Variants in TLK2 observed in about 807,000 individuals in gnomAD.
The protein encoded by TLK2 is tousled like kinase 2.
In TLK2, 6 loss-of-function variants were observed where a neutral mutation model predicts 117.3. That is an observed-to-expected ratio of 0.05 (90% CI 0.03 to 0.10). The LOEUF is 0.10. TLK2 is among the 10% of genes least tolerant of loss of function. The pLI is 1.00. For synonymous variants in TLK2, 257 were observed against 316.7 expected (o/e 0.81, Z 2.00); for missense variants, 299 against 901.2 (o/e 0.33, Z 8.56).
At chr17:62,503,971 T>C (rs2074444541) in intron 2 of TLK2, among the ~76,000 whole-genome samples, 1 of 152,000 alleles carries the variant, frequency 6.6e-6, no homozygotes, top group Non-Finnish European at 1.5e-5. Flanking sequence ...CGACCTCAGG[T>C]GATCCACCCG....
intron 2 of TLK2, among the ~76,000 whole-genome samples, chr17:62,513,609 C>A (rs2075331936): frequency 6.6e-6 from 1 of 152,044 alleles, no homozygotes; most frequent in Non-Finnish European, 1.5e-5. Flanking sequence ...GTGTTGGGAT[C>A]ACAGGGGTGA....
chr17:62,512,400 T>C (rs1398282465), intron 2 of TLK2, among the ~76,000 whole-genome samples: 1 of 151,916 alleles, frequency 6.6e-6, no homozygotes, highest in Non-Finnish European at 1.5e-5. Flanking sequence ...TTTTGTATTT[T>C]TCAGTAGAGA....
chr17:62,560,070 T>A lies in TLK2; in HGVS notation c.775T>A (p.Tyr259Asn). 6.2e-7 allele frequency: 1 copy of A among 1,612,058 alleles called. No individual in the cohort carries two copies. Among genetic ancestry groups the A allele is most frequent in the Non-Finnish European group, 8.5e-7 (1 of 1,179,050 alleles). ...IDEQQKMLEK[Y>N]KERLNRCVTM... The stretch of plus-strand genomic sequence containing the variant: ...TGAACAGCAAAAGATGCTAGAGAAA[T>A]ACAAGGAACGATTAAATAGATGTGT... Residue 259 changes from tyrosine to asparagine, a missense_variant, in exon 10 of 22, where the codon TAC becomes AAC. This residue lies in a region of TLK2 where 94 missense variants were observed against 282.6 expected (regional missense o/e 0.33). Transcript: ENST00000346027.
chr17:62,578,687 G>T, intron 14 of TLK2, 113 bp downstream of exon 14: 3 of 785,320 alleles, frequency 3.8e-6, no homozygotes, highest in Non-Finnish European at 6.1e-6. Flanking sequence ...TGATTCCATG[G>T]TGTATTTAGC....
Position 62,598,274 on chromosome 17 carries a change from G to A in TLK2, c.1550+1600G>A, listed in dbSNP as rs2082625806. On this transcript the variant is annotated intron_variant, in intron 17 of 21. Transcript: ENST00000346027. ...CCCCTCTCTGAACTATTAAGTTCAAGAACTATTTCAAAGTTAAATATCAGG... is the reference window on the plus strand; with the variant it reads ...CCCCTCTCTGAACTATTAAGTTCAAAAACTATTTCAAAGTTAAATATCAGG... Among the ~76,000 whole-genome samples the A allele has an allele frequency of 2.0e-5, 3 of 152,160 alleles. No homozygotes were observed. The South Asian group carries it at 6.2e-4, about 32-fold the overall frequency.
chr17:62,572,369 T>C (rs973967546), intron 11 of TLK2, among the ~76,000 whole-genome samples: 1 of 152,068 alleles, frequency 6.6e-6, no homozygotes, highest in Non-Finnish European at 1.5e-5. Flanking sequence ...ATATACCAAG[T>C]CTGTAAACCT....
In TLK2 at chr17:62,524,341, C is replaced by T; in HGVS notation, c.363+10C>T. On this transcript the variant is annotated intron_variant, in intron 6 of 21. Transcript: ENST00000346027. Reference sequence around the variant, plus strand: ...ATCCAATCCCTTACCGGTAAGCATTCACCTGGAGAAATTTGACACCTGTTG... The same window carrying T: ...ATCCAATCCCTTACCGGTAAGCATTTACCTGGAGAAATTTGACACCTGTTG... The T allele has an allele frequency of 6.2e-7, 1 of 1,601,972 alleles. No individual in the cohort carries two copies. Among genetic ancestry groups the T allele is most frequent in the Admixed American group, 1.7e-5 (1 of 58,234 alleles).
At chr17:62,509,587 C>CTT (rs1197247348) in intron 2 of TLK2, among the ~76,000 whole-genome samples, 1 of 152,224 alleles carries the variant, frequency 6.6e-6, no homozygotes, top group East Asian at 1.9e-4. Context: ...GAATGTCAAA[C>CTT]AAGTTCGTGT....
chr17:62,520,951 T>C (rs1004966967), intron 3 of TLK2, 107 bp downstream of exon 3: 26 of 1,291,744 alleles, frequency 2.0e-5, no homozygotes, highest in African/African-American at 3.0e-5. Context: ...GGCGGGCAGA[T>C]TGCTTGAGGC....
rs562827251 is a variant in TLK2 at position 62,591,055 on chromosome 17, G to C, written c.1460+4829G>C. On this transcript the variant is annotated intron_variant, in intron 16 of 21. Coordinates refer to ENST00000346027, the MANE Select transcript of TLK2 (RefSeq NM_006852.6). ...TCATGAGGTCAGGAGTTTGAGACCA[G>C]CCTGGCCAATATGGTGAAACCCGGT... is the stretch of plus-strand genomic sequence containing the variant. Among the ~76,000 whole-genome samples, 488 of 152,240 alleles carry C rather than the reference G, an allele frequency of 3.2e-3. 2 individuals carry two copies. The highest frequency in any genetic ancestry group is 6.8e-3 in the Middle Eastern group (2 of 294).
At chr17:62,486,564 G>T (rs1348182948) in intron 2 of TLK2, among the ~76,000 whole-genome samples, 1 of 152,100 alleles carries the variant, frequency 6.6e-6, no homozygotes, top group Non-Finnish European at 1.5e-5. Context: ...CAATCAACCT[G>T]TTGCAGTTTA....
intron 7 of TLK2, among the ~76,000 whole-genome samples, chr17:62,542,395 CT>C (rs1487252505): frequency 6.6e-6 from 1 of 152,218 alleles, no homozygotes; most frequent in Non-Finnish European, 1.5e-5. Flanking sequence ...GCTTGAGCCA[CT>C]GTACCTGGCC....
chr17:62,569,938 A>T (rs1238631445), intron 11 of TLK2, among the ~76,000 whole-genome samples: 3 of 152,062 alleles, frequency 2.0e-5, no homozygotes, highest in Non-Finnish European at 4.4e-5. Context: ...TACTTCCTCA[A>T]ACCTTTAGGG....
chr17:62,477,340 G>A (rs565126108), upstream of TLK2, among the ~76,000 whole-genome samples: 867 of 152,212 alleles, frequency 5.7e-3, 8 homozygotes, highest in African/African-American at 0.02. Context: ...TTCTCTTTGG[G>A]AATATGCATG....
chr17:62,505,690 T>C (rs1192918965), intron 2 of TLK2, among the ~76,000 whole-genome samples: 7 of 152,018 alleles, frequency 4.6e-5, no homozygotes, highest in Non-Finnish European at 1.0e-4. Context: ...ACCCAGAATG[T>C]TGGGTGGAAT....
intron 16 of TLK2, among the ~76,000 whole-genome samples, chr17:62,589,471 C>T (rs2081909493): frequency 6.6e-6 from 1 of 152,162 alleles, no homozygotes; most frequent in Non-Finnish European, 1.5e-5. Context: ...GTGCATGGAT[C>T]TCTTGGATTA....
chr17:62,482,047 G>T (rs952908571), intron 2 of TLK2, among the ~76,000 whole-genome samples: 5 of 151,870 alleles, frequency 3.3e-5, no homozygotes, highest in African/African-American at 1.2e-4. Flanking sequence ...CTGGGTTCAG[G>T]TGATGATTCT....
chr17:62,602,947 G>A (rs967054588), intron 19 of TLK2, among the ~76,000 whole-genome samples: 2 of 152,100 alleles, frequency 1.3e-5, no homozygotes, highest in Non-Finnish European at 2.9e-5. Flanking sequence ...CCACATATTG[G>A]TGTATATAAA....
At chr17:62,587,978 C>T (rs2081758368) in intron 16 of TLK2, among the ~76,000 whole-genome samples, 1 of 149,332 alleles carries the variant, frequency 6.7e-6, no homozygotes, top group Admixed American at 6.7e-5. Context: ...TATACGTATA[C>T]ATCTGTATAT....
Sources: allele counts gnomAD v4.1 joint callset (sites outside exome capture counted in the v4.1 genomes callset), GRCh38; gene constraint gnomAD v4.1.1; regional missense constraint gnomAD v4.1.1; transcripts MANE v1.5; gene names NCBI Gene and HGNC (gene_info 2026-07-23, HGNC 2026-07-21).